UGT1A10: variants seen among roughly 807,000 people sequenced by gnomAD.
UGT1A10 encodes UDP-glucuronosyltransferase 1A10.
A neutral mutation model predicts 45.8 loss-of-function variants in UGT1A10; 49 were observed. The ratio of observed to expected loss-of-function variants is 1.07; its 90% CI spans 0.85 to 1.36. UGT1A10 has a LOEUF of 1.36. UGT1A10 is among the 40% of genes most tolerant of loss of function. The pLI is 0.00. For synonymous variants in UGT1A10, 284 were observed against 249.7 expected (o/e 1.14, Z -1.29); for missense variants, 745 against 668.6 (o/e 1.11, Z -1.26).
At chr2:233,739,301 C>A (rs1691042342) in intron 1 of UGT1A10, among the ~76,000 whole-genome samples, 1 of 152,160 alleles carries the variant, frequency 6.6e-6, no homozygotes, top group Non-Finnish European at 1.5e-5. Context: ...TGGGGCACTG[C>A]CTAGTGGAGT....
chr2:233,743,663 T>C, intron 1 of UGT1A10: 1 of 1,366,972 alleles, frequency 7.3e-7, no homozygotes, highest in Non-Finnish European at 9.8e-7. Flanking sequence ...CTCGAAGGGG[T>C]CCTCGAAGGG....
intron 1 of UGT1A10, chr2:233,718,913 G>T (rs2076699236): frequency 6.2e-7 from 1 of 1,613,958 alleles, no homozygotes; most frequent in African/African-American, 1.3e-5. Context: ...GTGGAAAGGT[G>T]TTGGTGGTGC....
chr2:233,666,386 C>T (rs2074076034), intron 1 of UGT1A10, among the ~76,000 whole-genome samples: 2 of 152,158 alleles, frequency 1.3e-5, no homozygotes, highest in South Asian at 4.1e-4. Flanking sequence ...TTCATTGCAG[C>T]TATTTTAACG....
Position 233,768,582 on chromosome 2 carries a change from C to T in UGT1A10, c.1295+143C>T, listed in dbSNP as rs1179813397. On this transcript the variant is annotated intron_variant, in intron 4 of 4. Transcript: ENST00000344644. ...ATAAAAATCTGGATTTTTATTTCTT[C>T]TTTTTTTTTTTTTTTTTTTTTTGAG... 4.6e-4 allele frequency: 475 copies of T among 1,032,668 alleles called. No homozygotes were observed. In the East Asian group the frequency reaches 5.3e-3, roughly 12 times the overall value. The allele number at this position is 1,032,668 out of a possible 1,614,324, so 64.0% of individuals were successfully genotyped here.
At chr2:233,700,814 T>C (rs909154116) in intron 1 of UGT1A10, among the ~76,000 whole-genome samples, 1 of 152,156 alleles carries the variant, frequency 6.6e-6, no homozygotes, top group African/African-American at 2.4e-5. Flanking sequence ...GTTGGTGTGC[T>C]GCACCCATTA....
chr2:233,735,501 C>A (rs1331221711), intron 1 of UGT1A10, among the ~76,000 whole-genome samples: 1 of 152,100 alleles, frequency 6.6e-6, no homozygotes, highest in African/African-American at 2.4e-5. Flanking sequence ...CAGCATTTAG[C>A]CCATTTACAT....
intron 1 of UGT1A10, among the ~76,000 whole-genome samples, chr2:233,757,174 C>T (rs1696427708): frequency 6.6e-6 from 1 of 151,088 alleles, no homozygotes; most frequent in Non-Finnish European, 1.5e-5. Context: ...GTTTTGAGAG[C>T]AAGGCAGAGG....
rs28969681 is a variant in UGT1A10 at position 233,636,805 on chromosome 2, C to T, written c.283C>T (p.His95Tyr). 6 of 1,614,094 alleles carry T rather than the reference C, an allele frequency of 3.7e-6. No homozygotes were observed. Among genetic ancestry groups the T allele is most frequent in the East Asian group, 2.2e-5 (1 of 44,900 alleles). The change falls in exon 1 of 5, where the codon CAT becomes TAT. Residue 95 changes from histidine (H) to tyrosine (Y), a missense_variant. By Grantham distance (83) the His-to-Tyr change is moderately conservative. Transcript: ENST00000344644. ...GAACCGGGAATTCATGGTTTTCGCC[C>T]ATGCTCAATGGAAAGCACAGGCACA... ...DQNREFMVFA[H>Y]AQWKAQAQSI...
chr2:233,746,976 G>A (rs118160610), intron 1 of UGT1A10, among the ~76,000 whole-genome samples: 2 of 151,898 alleles, frequency 1.3e-5, no homozygotes, highest in South Asian at 2.1e-4. Flanking sequence ...TCCCCAGAGC[G>A]AGCGCAGGGT....
chr2:233,725,937 A>G (rs911094598), intron 1 of UGT1A10, among the ~76,000 whole-genome samples: 3 of 152,148 alleles, frequency 2.0e-5, no homozygotes. Flanking sequence ...AGACTGATGC[A>G]GGAGGATTGT....
chr2:233,675,024 T>C (rs1238493978), intron 1 of UGT1A10, among the ~76,000 whole-genome samples: 1 of 152,150 alleles, frequency 6.6e-6, no homozygotes, highest in African/African-American at 2.4e-5. Context: ...TGATGGAGTA[T>C]GTGTTTGCAC....
At chr2:233,695,786 T>C (rs2075307257) in intron 1 of UGT1A10, among the ~76,000 whole-genome samples, 3 of 152,220 alleles carry the variant, frequency 2.0e-5, no homozygotes, top group Non-Finnish European at 2.9e-5. Context: ...TTTTCCATTC[T>C]GTATATGTAC....
rs200041554 is a variant in UGT1A10, at chr2:233,772,747, T to C, written c.*188T>C. The C allele has an allele frequency of 7.0e-7, 1 of 1,423,162 alleles. No individual in the cohort carries two copies. Among genetic ancestry groups the C allele is most frequent in the South Asian group, 1.5e-5 (1 of 67,222 alleles). The allele number at this position is 1,423,162 out of a possible 1,614,324, so 88.2% of individuals were successfully genotyped here. A position where few individuals can be genotyped will look rare whatever the true frequency, so the allele number is the denominator to read the frequency against. On this transcript the variant is annotated 3_prime_UTR_variant, in exon 5 of 5. Coordinates refer to ENST00000344644, the MANE Select transcript of UGT1A10 (RefSeq NM_019075.4). ...TAGACTCGCTAGTCAGTAAAGATAT[T>C]TGAATATGTATCGTGCCCCCTCTGG...
intron 1 of UGT1A10, chr2:233,690,736 T>C (rs1485807418): frequency 1.7e-6 from 2 of 1,207,170 alleles, no homozygotes; most frequent in Non-Finnish European, 2.1e-6. Flanking sequence ...GCCAGATTCC[T>C]CTGGCTAGTG....
chr2:233,670,351 A>G (rs1006758558), intron 1 of UGT1A10, among the ~76,000 whole-genome samples: 3 of 152,168 alleles, frequency 2.0e-5, no homozygotes, highest in African/African-American at 4.8e-5. Flanking sequence ...AACTTTACAG[A>G]ATTACATCAT....
intron 1 of UGT1A10, among the ~76,000 whole-genome samples, chr2:233,724,860 T>G (rs1312826202): frequency 3.2e-5 from 4 of 126,790 alleles, no homozygotes; most frequent in Non-Finnish European, 6.4e-5. Flanking sequence ...CTGGGAGGTG[T>G]AGGTTGTAGT....
intron 1 of UGT1A10, among the ~76,000 whole-genome samples, chr2:233,709,996 T>C (rs1275771651): frequency 1.3e-5 from 2 of 152,236 alleles, no homozygotes; most frequent in Non-Finnish European, 2.9e-5. Context: ...AATGGAATCA[T>C]ACAATTATGA....
intron 1 of UGT1A10, among the ~76,000 whole-genome samples, chr2:233,667,233 C>T (rs1295922790): frequency 1.3e-5 from 2 of 152,120 alleles, no homozygotes; most frequent in Non-Finnish European, 2.9e-5. Context: ...ACACTGACTT[C>T]CACAATGGTT....
intron 1 of UGT1A10, among the ~76,000 whole-genome samples, chr2:233,667,603 G>A (rs893166084): frequency 3.3e-5 from 5 of 152,174 alleles, no homozygotes; most frequent in Non-Finnish European, 7.3e-5. Flanking sequence ...GCAACTTACA[G>A]AATGGGAGAA....
Sources: allele counts gnomAD v4.1 joint callset (sites outside exome capture counted in the v4.1 genomes callset), GRCh38; gene constraint gnomAD v4.1.1; transcripts MANE v1.5; gene names NCBI Gene and HGNC (gene_info 2026-07-23, HGNC 2026-07-21).